Variants in HPS4 observed in about 807,000 individuals in gnomAD.
The protein encoded by HPS4 is BLOC-3 complex member HPS4.
HPS4 carries 44 observed loss-of-function variants against 70.3 expected under a neutral mutation model. The observed-to-expected ratio is 0.63, with a 90% CI of 0.49 to 0.80. The LOEUF (loss-of-function observed/expected upper bound fraction) is 0.80, where lower values mean the gene tolerates loss of function less well. Among genes scored for constraint, HPS4 ranks in the 30% least tolerant of loss-of-function variants. The pLI, the probability that HPS4 is intolerant of heterozygous loss-of-function variation, is 0.00. For missense variants in HPS4, 873 were observed against 884.4 expected, an observed-to-expected ratio of 0.99 and a Z score of 0.16; for synonymous variants, 377 against 355.9, an observed-to-expected ratio of 1.06 and a Z score of -0.67.
chr22:26,473,948 T>G (rs1285472355), intron 4 of HPS4, among the ~76,000 whole-genome samples: 1 of 152,222 alleles, frequency 6.6e-6, no homozygotes, highest in Non-Finnish European at 1.5e-5. Context: ...ACAAGGATCT[T>G]TGCTTTGTTC....
chr22:26,459,625 C>G (rs1353664389), intron 11 of HPS4, among the ~76,000 whole-genome samples: 1 of 152,128 alleles, frequency 6.6e-6, no homozygotes, highest in African/African-American at 2.4e-5. Flanking sequence ...GGTCACTGTC[C>G]CCAAACATTT....
intron 12 of HPS4, among the ~76,000 whole-genome samples, chr22:26,458,224 A>C (rs1391961199): frequency 3.3e-5 from 5 of 152,234 alleles, no homozygotes; most frequent in Admixed American, 2.6e-4. Context: ...TTCTCTCAAA[A>C]CACTGGGAAA....
intron 4 of HPS4, 40 bp downstream of exon 4, chr22:26,476,953 C>A (rs756591624): frequency 1.2e-5 from 19 of 1,609,330 alleles, no homozygotes; most frequent in Admixed American, 1.2e-4. Context: ...CTAAACTTAT[C>A]ATTGCAACAC....
Position 26,479,404 on chromosome 22 carries a change from C to T in HPS4, c.42-49G>A, listed in dbSNP as rs9613187. 0.077 allele frequency: 123,090 copies of T among 1,603,012 alleles called. 5,236 individuals carry two copies. Among genetic ancestry groups the T allele is most frequent in the Non-Finnish European group, 0.089 (104,910 of 1,173,950 alleles). On this transcript the variant is annotated intron_variant, in intron 2 of 13. Coordinates refer to ENST00000398145, the MANE Select transcript of HPS4 (RefSeq NM_022081.6). ...CATGTTTCCTTTAATCCAGTGATCA[C>T]GGCATTTAAAACACAGCTTCCTGTT... is the stretch of plus-strand genomic sequence containing the variant.
chr22:26,464,585 C>G lies in HPS4; in HGVS notation c.1045G>C (p.Val349Leu). 6.2e-7 allele frequency: 1 copy of G among 1,614,200 alleles called. No individual in the cohort carries two copies. Among genetic ancestry groups the G allele is most frequent in the African/African-American group, 1.3e-5 (1 of 75,042 alleles). Residue 349 changes from valine (V) to leucine (L), a missense_variant, in exon 11 of 14, where the codon GTT becomes CTT. Coordinates refer to ENST00000398145, the MANE Select transcript of HPS4 (RefSeq NM_022081.6). ...AGLHNSARGE[V>L]LGLSSSLGKE... ...CCCAGGGAGGAGCTGAGGCCAAGAA[C>G]CTCACCCCTGGCAGAGTTGTGCAGT...
chr22:26,468,499 G>T (rs367560244), intron 8 of HPS4, 52 bp downstream of exon 8: 2 of 1,499,306 alleles, frequency 1.3e-6, no homozygotes, highest in South Asian at 2.3e-5. Context: ...CAGGCTCAGT[G>T]ACCAGTGCTC....
In HPS4 at chr22:26,457,709, G is replaced by A. The variant is rs75213921; in HGVS notation, c.1955+150C>T. ...TGACTGCACAACAGTGGATGATGGC[G>A]GCAATAGGAACCGACAAAGGAAGGC... On this transcript the variant is annotated intron_variant, in intron 13 of 13. Transcript: ENST00000398145. The A allele has an allele frequency of 7.0e-3, 4,834 of 693,152 alleles. 186 individuals carry two copies. In the African/African-American group the frequency reaches 0.075, roughly 11 times the overall value. The allele number at this position is 693,152 out of a possible 1,614,324, so 42.9% of individuals were successfully genotyped here. A position where few individuals can be genotyped will look rare whatever the true frequency, so the allele number is the denominator to read the frequency against.
intron 4 of HPS4, 50 bp from the exon 5 acceptor site, chr22:26,472,989 C>T (rs962880334): frequency 4.6e-6 from 7 of 1,538,326 alleles, no homozygotes; most frequent in Non-Finnish European, 6.3e-6. Flanking sequence ...TCTTTGAGTC[C>T]AAGCCCAGAA....
rs1159855728 is a variant in HPS4, at chr22:26,481,780, T to C, written c.-18A>G. 2.1e-5 allele frequency: 34 copies of C among 1,612,994 alleles called. No individual in the cohort carries two copies. The highest frequency in any genetic ancestry group is 2.7e-5 in the Non-Finnish European group (32 of 1,179,054). ...GTGGCCATCTACTGTGCAGTCATCC[T>C]CATTCTCTTCATTTAGGTTTTCTTT... On this transcript the variant is annotated 5_prime_UTR_variant, in exon 2 of 14. Coordinates refer to ENST00000398145, the MANE Select transcript of HPS4 (RefSeq NM_022081.6).
intron 7 of HPS4, among the ~76,000 whole-genome samples, chr22:26,469,836 C>A (rs139446297): frequency 1.3e-5 from 2 of 152,128 alleles, no homozygotes; most frequent in Admixed American, 6.6e-5. Context: ...TGATAAGAAC[C>A]GGGGCAAGGA....
chr22:26,476,171 C>A lies in HPS4; in HGVS notation c.276+822G>T, dbSNP rs577920649. 9.9e-5 allele frequency: 15 copies of A among 152,172 alleles called. No homozygotes were observed. In the East Asian group the frequency reaches 2.7e-3, roughly 27 times the overall value. 9.4% of individuals were successfully genotyped at this position (152,172 alleles called of 1,614,324 possible). Reference sequence around the variant, plus strand: ...GTATATGAGTATTCACTGTAAAATTCAACTGTTCAGTACTTTAAAAAATTT... The same window carrying A: ...GTATATGAGTATTCACTGTAAAATTAAACTGTTCAGTACTTTAAAAAATTT... On this transcript the variant is annotated intron_variant, in intron 4 of 13. Transcript: ENST00000398145.
At chr22:26,470,488 A>T (rs1015273291) in intron 7 of HPS4, among the ~76,000 whole-genome samples, 1 of 152,250 alleles carries the variant, frequency 6.6e-6, no homozygotes, top group Non-Finnish European at 1.5e-5. Context: ...TTATAGGGAC[A>T]TTCTTAACTC....
At chr22:26,468,417 G>A in intron 8 of HPS4, 134 bp downstream of exon 8, 1 of 761,012 alleles carries the variant, frequency 1.3e-6, no homozygotes. Flanking sequence ...AATGACATTG[G>A]AGGACTTGGG....
intron 13 of HPS4, 33 bp from the exon 14 acceptor site, chr22:26,453,437 T>G: frequency 1.9e-6 from 3 of 1,610,814 alleles, no homozygotes; most frequent in Non-Finnish European, 2.5e-6. Flanking sequence ...AACGGTCCAA[T>G]GCTGCTGGTG....
chr22:26,465,974 C>T (rs1358985395), intron 9 of HPS4: 33 of 1,230,082 alleles, frequency 2.7e-5, no homozygotes, highest in Admixed American at 1.0e-4. Context: ...GGCACTTGAC[C>T]GAGCAGTCTC....
chr22:26,444,895 A>G (rs1207797649), intron 3 of HPS4: 2 of 152,230 alleles, frequency 1.3e-5, no homozygotes, highest in African/African-American at 4.8e-5. Context: ...ATTTCTACAC[A>G]TCGTGACTGC....
intron 6 of HPS4, chr22:26,471,028 G>T (rs940472726): frequency 5.5e-6 from 5 of 906,284 alleles, no homozygotes; most frequent in Non-Finnish European, 8.6e-6. Flanking sequence ...CAAATTCTTA[G>T]AACAAGGAGG....
At chr22:26,474,104 A>C (rs2090203913) in intron 4 of HPS4, among the ~76,000 whole-genome samples, 1 of 152,238 alleles carries the variant, frequency 6.6e-6, no homozygotes, top group African/African-American at 2.4e-5. Flanking sequence ...ATGAAAACAC[A>C]AAGAACCTGA....
At position 26,451,229 on chromosome 22, in the gene HPS4, C is replaced by T. The variant is rs920883442; in HGVS notation, c.*2004G>A. ...CGTCGCTTGGCCCGTACTCTGGGGG[C>T]GCTAATTTTGAGGGGATGGGCCTGG... is the stretch of plus-strand genomic sequence containing the variant. On this transcript the variant is annotated 3_prime_UTR_variant, in exon 14 of 14. Transcript: ENST00000398145. 2.6e-5 allele frequency among the ~76,000 whole-genome samples: 4 copies of T among 152,130 alleles called. No homozygotes were observed. Among genetic ancestry groups the T allele is most frequent in the African/African-American group, 7.2e-5 (3 of 41,418 alleles).
Sources: gnomAD v4.1 joint callset for allele counts (sites outside exome capture counted in the v4.1 genomes callset) on GRCh38, gnomAD v4.1.1 for gene constraint, MANE v1.5 for transcripts, NCBI Gene and HGNC (gene_info 2026-07-23, HGNC 2026-07-21) for gene names.